GPC5: variants seen among roughly 807,000 people sequenced by gnomAD.
GPC5 encodes glypican 5, also known as glypican-5.
A neutral mutation model predicts 53.9 loss-of-function variants in GPC5; 47 were observed. The observed-to-expected ratio is 0.87, with a 90% confidence interval of 0.69 to 1.11. The LOEUF (loss-of-function observed/expected upper bound fraction) is 1.11, where lower values mean the gene tolerates loss of function less well. GPC5 is among the 50% of genes most tolerant of loss of function. The pLI, the probability that GPC5 is intolerant of heterozygous loss-of-function variation, is 0.00. For missense variants in GPC5, 748 were observed against 713.1 expected (o/e 1.05, Z -0.56); for synonymous variants, 286 against 263.3 (o/e 1.09, Z -0.84).
Position 91,769,613 on chromosome 13 carries a change from C to T in GPC5, c.1280+13193C>T, listed in dbSNP as rs973630698. On this transcript the variant is annotated intron_variant, in intron 5 of 7. Coordinates refer to ENST00000377067, the MANE Select transcript of GPC5 (RefSeq NM_004466.6). ...GTCTAAGGAACAGAAGGGAAATCAG[C>T]GTGTGTGGCTCAGGGTGATGCAGAT... Among the ~76,000 whole-genome samples the T allele has an allele frequency of 7.9e-5, 12 of 152,244 alleles. No individual in the cohort carries two copies. In the East Asian group the frequency reaches 1.5e-3, roughly 20 times the overall value.
At chr13:91,667,060 C>A (rs1464721958) in intron 2 of GPC5, among the ~76,000 whole-genome samples, 1 of 152,144 alleles carries the variant, frequency 6.6e-6, no homozygotes, top group African/African-American at 2.4e-5. Flanking sequence ...GAGAACTGGT[C>A]TGTCTTATTA....
chr13:92,194,998 T>G (rs1355566856), intron 7 of GPC5, among the ~76,000 whole-genome samples: 1 of 152,336 alleles, frequency 6.6e-6, no homozygotes, highest in East Asian at 1.9e-4. Flanking sequence ...CAGTCAAAGA[T>G]CTCTGCTGTA....
chr13:92,118,950 A>G (rs2041622612), intron 6 of GPC5, among the ~76,000 whole-genome samples: 1 of 152,234 alleles, frequency 6.6e-6, no homozygotes, highest in Non-Finnish European at 1.5e-5. Context: ...TTTAACCACT[A>G]AATAATTTAA....
At chr13:92,411,098 A>C (rs1329023738) in intron 7 of GPC5, among the ~76,000 whole-genome samples, 2 of 152,024 alleles carry the variant, frequency 1.3e-5, no homozygotes, top group Non-Finnish European at 2.9e-5. Context: ...AACAAAAAAG[A>C]CCAAAAAAAC....
At chr13:91,431,966 T>C (rs75149206) in intron 1 of GPC5, among the ~76,000 whole-genome samples, 2,343 of 152,322 alleles carry the variant, frequency 0.015, 40 homozygotes, top group Non-Finnish European at 0.023. Flanking sequence ...CTTAATTTCA[T>C]GTGCCAGATG....
chr13:92,003,780 ATAATACAGTAAGT>A (rs1237609851), intron 6 of GPC5, among the ~76,000 whole-genome samples: 1 of 152,236 alleles, frequency 6.6e-6, no homozygotes, highest in South Asian at 2.1e-4. Flanking sequence ...ACTGTGAACA[ATAATACAGTAAGT>A]TGTGAGTAGT....
intron 6 of GPC5, among the ~76,000 whole-genome samples, chr13:92,103,921 A>G (rs1210061855): frequency 6.6e-6 from 1 of 152,198 alleles, no homozygotes; most frequent in Admixed American, 6.5e-5. Context: ...AAAGCCCCAC[A>G]TGGACATCTC....
intron 7 of GPC5, among the ~76,000 whole-genome samples, chr13:92,769,145 C>T (rs145222117): frequency 7.3e-4 from 111 of 152,076 alleles, no homozygotes; most frequent in African/African-American, 2.7e-3. Context: ...AAATCCCCAC[C>T]CACTATGTGA....
intron 7 of GPC5, among the ~76,000 whole-genome samples, chr13:92,745,276 C>CA (rs1566397314): frequency 1.3e-5 from 2 of 151,916 alleles, no homozygotes; most frequent in African/African-American, 2.4e-5. Context: ...ATGCTCATAG[C>CA]AAAAAAACAC....
intron 7 of GPC5, among the ~76,000 whole-genome samples, chr13:92,816,394 T>C (rs1877478084): frequency 6.6e-6 from 1 of 152,002 alleles, no homozygotes; most frequent in Non-Finnish European, 1.5e-5. Context: ...TGTTGGCTGT[T>C]TGAGCATGGG....
intron 7 of GPC5, among the ~76,000 whole-genome samples, chr13:92,179,563 A>G (rs1473158483): frequency 6.6e-6 from 1 of 152,244 alleles, no homozygotes; most frequent in Non-Finnish European, 1.5e-5. Flanking sequence ...GTCACAGTGT[A>G]TCTTTTAACA....
intron 6 of GPC5, among the ~76,000 whole-genome samples, chr13:91,927,820 A>T (rs2039783430): frequency 6.6e-6 from 1 of 152,190 alleles, no homozygotes; most frequent in South Asian, 2.1e-4. Flanking sequence ...CCAAGCCATG[A>T]ATTTTATCAC....
At chr13:91,869,748 A>C (rs559244413) in intron 5 of GPC5, among the ~76,000 whole-genome samples, 64 of 152,292 alleles carry the variant, frequency 4.2e-4, no homozygotes, top group Non-Finnish European at 8.1e-4. Context: ...CAGGCTGTAC[A>C]GGAGGGATGG....
At chr13:91,496,029 AAT>A (rs372354214) in intron 2 of GPC5, among the ~76,000 whole-genome samples, 1 of 142,226 alleles carries the variant, frequency 7.0e-6, no homozygotes, top group Non-Finnish European at 1.5e-5. Flanking sequence ...TCTCAAAAAA[AAT>A]AAAAAATAAA....
chr13:92,387,508 C>T (rs931251834), intron 7 of GPC5, among the ~76,000 whole-genome samples: 5 of 152,034 alleles, frequency 3.3e-5, no homozygotes, highest in Non-Finnish European at 1.5e-5. Context: ...GTAAGTTGTA[C>T]AGCCTCACAG....
intron 7 of GPC5, among the ~76,000 whole-genome samples, chr13:92,202,036 G>A (rs1048895700): frequency 3.3e-5 from 5 of 152,078 alleles, no homozygotes; most frequent in African/African-American, 1.2e-4. Context: ...AAATACTTAG[G>A]TCTTCATTTA....
intron 7 of GPC5, among the ~76,000 whole-genome samples, chr13:92,180,540 A>G (rs2042139357): frequency 6.6e-6 from 1 of 152,188 alleles, no homozygotes; most frequent in African/African-American, 2.4e-5. Context: ...TCATTAACCA[A>G]AGGGATGATC....
chr13:91,721,064 C>CCTTTCTTTCTTT (rs746835528), intron 3 of GPC5, among the ~76,000 whole-genome samples: 39 of 122,346 alleles, frequency 3.2e-4, no homozygotes, highest in South Asian at 1.1e-3. Flanking sequence ...TCCTTCCTTC[C>CCTTTCTTTCTTT]CTTTCTTTCT....
At chr13:91,448,617 T>C (rs1301638958) in intron 1 of GPC5, 144 bp from the exon 2 acceptor site, 2 of 704,762 alleles carry the variant, frequency 2.8e-6, no homozygotes, top group East Asian at 2.8e-5. Context: ...GAGCAATAGA[T>C]AAACTTTCTT....
Sources: allele counts gnomAD v4.1 joint callset (sites outside exome capture counted in the v4.1 genomes callset), GRCh38; gene constraint gnomAD v4.1.1; transcripts MANE v1.5; gene names NCBI Gene and HGNC (gene_info 2026-07-23, HGNC 2026-07-21).